The following ZNF76 variants were observed in gnomAD, a reference collection of about 807,000 sequenced individuals.
The protein encoded by ZNF76 is zinc finger protein 76, also known as zinc finger protein 523.
A neutral mutation model predicts 66.9 loss-of-function variants in ZNF76; 66 were observed. The observed-to-expected ratio is 0.99, with a 90% CI of 0.81 to 1.21. The LOEUF (loss-of-function observed/expected upper bound fraction) is 1.21, where lower values mean the gene tolerates loss of function less well. Among genes scored for constraint, ZNF76 ranks in the 50% most tolerant of loss-of-function variants. The pLI, the probability that ZNF76 is intolerant of heterozygous loss-of-function variation, is 0.00. For missense variants in ZNF76, 729 were observed against 760.3 expected (o/e 0.96, Z 0.48); for synonymous variants, 275 against 296.1 (o/e 0.93, Z 0.73).
intron 1 of ZNF76, among the ~76,000 whole-genome samples, chr6:35,278,432 C>T (rs550706931): frequency 1.3e-5 from 2 of 152,336 alleles, no homozygotes; most frequent in Admixed American, 6.5e-5. Flanking sequence ...TTGATCCGCT[C>T]GCCCCTCAGG....
At position 35,292,615 on chromosome 6, in the gene ZNF76, C is replaced by G; in HGVS notation, c.993C>G (p.Ser331Arg). The G allele has an allele frequency of 1.2e-6, 2 of 1,614,014 alleles. No individual in the cohort carries two copies. The highest frequency in any genetic ancestry group is 1.7e-6 in the Non-Finnish European group (2 of 1,180,038). Reference protein sequence around the residue: ...GCGKRFTEYSSLYKHHVVHTH... With the variant: ...GCGKRFTEYSRLYKHHVVHTH... The stretch of plus-strand genomic sequence containing the variant: ...GGAAACGCTTCACCGAGTACTCGAG[C>G]TTGTATAAGCACCACGTGGTGCACA... The change falls in exon 10 of 14, where the codon AGC (serine) becomes AGG (arginine). Residue 331 changes from serine (S) to arginine (R), a missense_variant. Coordinates refer to ENST00000373953, the MANE Select transcript of ZNF76 (RefSeq NM_003427.5). This position sits in a 1 kb window ranked among gnomAD's most constrained non-coding sequence, Gnocchi z 4.7.
chr6:35,262,685 A>G (rs916902200), intron 1 of ZNF76, among the ~76,000 whole-genome samples: 1 of 152,144 alleles, frequency 6.6e-6, no homozygotes. Context: ...ATCCTCAGCC[A>G]CATTCTGTGA....
rs753463181 is a variant in ZNF76, at chr6:35,281,259, G to A, written c.73+35G>A. 8.1e-6 allele frequency: 13 copies of A among 1,599,124 alleles called. No homozygotes were observed. The South Asian group carries it at 1.3e-4, about 16-fold the overall frequency. On this transcript the variant is annotated intron_variant, in intron 2 of 13. Transcript: ENST00000373953. ...TCTGGGGACCTCAGGATCCTGCCCT[G>A]TCCCTCAGCCTCTGGAAAGGAGTGT...
intron 1 of ZNF76, among the ~76,000 whole-genome samples, chr6:35,280,350 A>G (rs543410728): frequency 4.6e-5 from 7 of 152,306 alleles, no homozygotes; most frequent in Non-Finnish European, 8.8e-5. Flanking sequence ...ACAGAGTGAT[A>G]CTTTGTCTCT....
intron 2 of ZNF76, among the ~76,000 whole-genome samples, chr6:35,282,872 A>C (rs763171304): frequency 1.3e-5 from 2 of 152,186 alleles, no homozygotes; most frequent in Non-Finnish European, 2.9e-5. Flanking sequence ...GTTTCTTGTC[A>C]AGAGCTGTCT....
chr6:35,264,790 T>C (rs1414831788), intron 1 of ZNF76, among the ~76,000 whole-genome samples: 1 of 152,102 alleles, frequency 6.6e-6, no homozygotes, highest in Non-Finnish European at 1.5e-5. Context: ...CCCTGCAGAA[T>C]TCTGTACCTA....
chr6:35,267,342 C>A (rs947919585), intron 1 of ZNF76, among the ~76,000 whole-genome samples: 5 of 152,196 alleles, frequency 3.3e-5, no homozygotes, highest in African/African-American at 9.7e-5. Flanking sequence ...AAGCCTCCAC[C>A]TGCCTCGGTC....
chr6:35,290,481 T>A, intron 6 of ZNF76, 99 bp downstream of exon 6: 2 of 1,555,490 alleles, frequency 1.3e-6, no homozygotes, highest in South Asian at 2.3e-5. Context: ...TGCCCTCACG[T>A]TGCTGGAGGG....
intron 1 of ZNF76, among the ~76,000 whole-genome samples, chr6:35,271,952 A>G (rs1467717248): frequency 1.3e-5 from 2 of 149,874 alleles, no homozygotes; most frequent in Non-Finnish European, 1.5e-5. Flanking sequence ...TAAAAAAAGA[A>G]AAATTAGCTG....
chr6:35,293,115 C>T (rs1052703845), intron 11 of ZNF76, 71 bp downstream of exon 11: 7 of 1,542,032 alleles, frequency 4.5e-6, no homozygotes, highest in Non-Finnish European at 5.2e-6. Flanking sequence ...CTCTGGGAGC[C>T]CTGAAGTTCT....
At chr6:35,263,645 A>C (rs1785565216) in intron 1 of ZNF76, among the ~76,000 whole-genome samples, 1 of 152,150 alleles carries the variant, frequency 6.6e-6, no homozygotes, top group South Asian at 2.1e-4. Flanking sequence ...CTTGCCTTAG[A>C]TTTGTTTACT....
chr6:35,273,874 T>C (rs1028971727), intron 1 of ZNF76, among the ~76,000 whole-genome samples: 33 of 151,792 alleles, frequency 2.2e-4, no homozygotes, highest in African/African-American at 6.8e-4. Flanking sequence ...AAAAAAAAAA[T>C]TGAAGAAAAA....
chr6:35,271,775 C>CA (rs1397880000), intron 1 of ZNF76, among the ~76,000 whole-genome samples: 1 of 151,742 alleles, frequency 6.6e-6, no homozygotes, highest in African/African-American at 2.4e-5. Flanking sequence ...ACAAGACAAA[C>CA]AAAACACGGC....
intron 1 of ZNF76, among the ~76,000 whole-genome samples, chr6:35,267,438 C>T (rs1418388223): frequency 2.6e-5 from 4 of 152,054 alleles, no homozygotes; most frequent in Admixed American, 1.3e-4. Flanking sequence ...TGTTCTCAGC[C>T]CCTCCTATTG....
chr6:35,287,995 C>G lies in ZNF76; in HGVS notation c.432+150C>G, dbSNP rs1789830107. 1.1e-6 allele frequency: 1 copy of G among 888,280 alleles called. No individual in the cohort carries two copies. The allele number at this position is 888,280 out of a possible 1,614,324, so 55.0% of individuals were successfully genotyped here. ...CATGTGGGATATTCCCTTTGCCCCT[C>G]CACCCCAGCTCCCCCAACTCACCTG... is the stretch of plus-strand genomic sequence containing the variant. On this transcript the variant is annotated intron_variant, in intron 5 of 13. Transcript: ENST00000373953. The surrounding 1 kb of genome is among the most constrained non-coding windows in gnomAD (Gnocchi z 4.0).
chr6:35,286,509 C>A, intron 4 of ZNF76, 110 bp downstream of exon 4: 1 of 998,870 alleles, frequency 1.0e-6, no homozygotes, highest in Non-Finnish European at 1.5e-6. Context: ...GACATGGGAG[C>A]TGTCATCTCC....
At chr6:35,267,528 C>T (rs1786332251) in intron 1 of ZNF76, among the ~76,000 whole-genome samples, 2 of 152,226 alleles carry the variant, frequency 1.3e-5, no homozygotes. Context: ...CTGCTGAGTT[C>T]TACACCAGGT....
At chr6:35,274,298 C>T (rs75671240) in intron 1 of ZNF76, among the ~76,000 whole-genome samples, 5 of 152,282 alleles carry the variant, frequency 3.3e-5, no homozygotes, top group African/African-American at 4.8e-5. Flanking sequence ...TACAGTTGCC[C>T]TCTGGGCTGG....
At chr6:35,290,608 T>C in intron 6 of ZNF76, 33 bp from the exon 7 acceptor site, 1 of 1,612,446 alleles carries the variant, frequency 6.2e-7, no homozygotes, top group African/African-American at 1.3e-5. Context: ...ATACCCTTGC[T>C]CCTCTGAATT....
Sources: allele counts gnomAD v4.1 joint callset (sites outside exome capture counted in the v4.1 genomes callset), GRCh38; gene constraint gnomAD v4.1.1; non-coding constraint Gnocchi (gnomAD v3.1); transcripts MANE v1.5; gene names NCBI Gene and HGNC (gene_info 2026-07-23, HGNC 2026-07-21).